KIAA1217: variants seen among roughly 807,000 people sequenced by gnomAD.
KIAA1217 encodes the protein sickle tail protein homolog.
A neutral mutation model predicts 163.9 loss-of-function variants in KIAA1217; 88 were observed. The observed-to-expected ratio is 0.54, with a 90% CI of 0.45 to 0.64. KIAA1217 has a LOEUF of 0.64. Ranked by LOEUF, KIAA1217 falls within the 30% of genes least tolerant of loss-of-function variation. The pLI, the probability that KIAA1217 is intolerant of heterozygous loss-of-function variation, is 0.00. For missense variants in KIAA1217, 2,372 were observed against 2,475.0 expected (o/e 0.96, Z 0.88); for synonymous variants, 903 against 923.1 (o/e 0.98, Z 0.39).
intron 1 of KIAA1217, among the ~76,000 whole-genome samples, chr10:23,757,482 A>G (rs1833982137): frequency 6.6e-6 from 1 of 152,068 alleles, no homozygotes. Context: ...CATTTCTCTA[A>G]TGATTAACAA....
At chr10:24,363,787 G>T (rs1310560127) in intron 2 of KIAA1217, among the ~76,000 whole-genome samples, 1 of 151,760 alleles carries the variant, frequency 6.6e-6, no homozygotes, top group African/African-American at 2.4e-5. Flanking sequence ...GCCCAAGCTG[G>T]TTTTGCACAC....
intron 2 of KIAA1217, among the ~76,000 whole-genome samples, chr10:24,065,922 T>TAA (rs2060924794): frequency 6.6e-6 from 1 of 152,198 alleles, no homozygotes; most frequent in Admixed American, 6.5e-5. Context: ...CTTTTGATCT[T>TAA]TGTTAGTTTA....
chr10:23,777,575 A>G (rs1449328980), intron 1 of KIAA1217, among the ~76,000 whole-genome samples: 1 of 152,214 alleles, frequency 6.6e-6, no homozygotes, highest in Non-Finnish European at 1.5e-5. Context: ...GTCTCTGCTT[A>G]TGTGACTTAG....
chr10:24,491,286 C>CTTTT (rs1169407580), intron 6 of KIAA1217, among the ~76,000 whole-genome samples: 14 of 114,712 alleles, frequency 1.2e-4, no homozygotes, highest in South Asian at 2.8e-4. Context: ...TTTTTTTTTC[C>CTTTT]TTTTTTTTTT....
chr10:24,431,244 T>C (rs2059582379), intron 3 of KIAA1217, among the ~76,000 whole-genome samples: 1 of 152,178 alleles, frequency 6.6e-6, no homozygotes, highest in African/African-American at 2.4e-5. Context: ...CTCTTTTGAG[T>C]CTCCCTTTCC....
rs555067279 is a variant in KIAA1217, at chr10:24,297,460, G to A, written c.354+77551G>A. ...CATCTCAATGATCATAAAGAAACTG[G>A]AGTCTTTAGACTGGGTGCAGTGTCT... On this transcript the variant is annotated intron_variant, in intron 2 of 20. Transcript: ENST00000376454. Among the ~76,000 whole-genome samples, 5 of 152,318 alleles carry A rather than the reference G, an allele frequency of 3.3e-5. No individual in the cohort carries two copies. In the East Asian group the frequency reaches 9.6e-4, roughly 29 times the overall value.
At chr10:23,817,093 G>A (rs1259008346) in intron 1 of KIAA1217, among the ~76,000 whole-genome samples, 1 of 152,138 alleles carries the variant, frequency 6.6e-6, no homozygotes, top group East Asian at 1.9e-4. Flanking sequence ...AAAAGGCAAA[G>A]TGCTAGTTCT....
chr10:23,806,765 AT>A (rs766165695), intron 1 of KIAA1217, among the ~76,000 whole-genome samples: 1 of 152,150 alleles, frequency 6.6e-6, no homozygotes, highest in Non-Finnish European at 1.5e-5. Flanking sequence ...GAAGATTGCA[AT>A]CAACTCCTTT....
chr10:23,883,116 G>A (rs1037711481), intron 1 of KIAA1217, among the ~76,000 whole-genome samples: 19 of 152,006 alleles, frequency 1.2e-4, no homozygotes, highest in South Asian at 6.2e-4. Context: ...TCCTTAAGTT[G>A]TTATGGTCAT....
chr10:24,207,315 C>CACAT (rs2067619232), upstream of KIAA1217, among the ~76,000 whole-genome samples: 1 of 148,188 alleles, frequency 6.7e-6, no homozygotes, highest in Non-Finnish European at 1.5e-5. Flanking sequence ...CACACACACA[C>CACAT]ATACTTTTCT....
intron 2 of KIAA1217, among the ~76,000 whole-genome samples, chr10:24,154,114 C>G (rs185379465): frequency 3.3e-5 from 5 of 151,496 alleles, no homozygotes; most frequent in Non-Finnish European, 7.4e-5. Context: ...CCCGCCACTA[C>G]GCCCGGCTAA....
At chr10:24,026,348 T>C (rs1371175048) in intron 2 of KIAA1217, among the ~76,000 whole-genome samples, 1 of 151,950 alleles carries the variant, frequency 6.6e-6, no homozygotes, top group Admixed American at 6.6e-5. Context: ...ATTTGTGTTA[T>C]ACTATTCTTA....
chr10:24,544,610 G>A (rs574949541), intron 19 of KIAA1217, 129 bp downstream of exon 19: 21 of 1,070,244 alleles, frequency 2.0e-5, no homozygotes, highest in Admixed American at 8.8e-5. Flanking sequence ...TTGTCTGTTC[G>A]CCATGAAACC....
In KIAA1217 at chr10:23,743,242, G is replaced by GAA. The variant is rs11446205; in HGVS notation, c.-321+48020_-321+48021dup. ...GGGCCCCAGGTGACAGATGAACTTT[G>GAA]AAAAAAAAAAAAATCAGTGTTTACG... On this transcript the variant is annotated intron_variant, in intron 1 of 18. Transcript: ENST00000376462. Among the ~76,000 whole-genome samples, 781 of 144,694 alleles carry GAA rather than the reference G, an allele frequency of 5.4e-3. 3 individuals carry two copies. Among genetic ancestry groups the GAA allele is most frequent in the Middle Eastern group, 0.021 (6 of 284 alleles). 94.9% of individuals were successfully genotyped at this position (144,694 alleles called of 152,430 possible).
chr10:23,912,771 A>G (rs1050479753), intron 1 of KIAA1217, among the ~76,000 whole-genome samples: 3 of 152,212 alleles, frequency 2.0e-5, no homozygotes, highest in African/African-American at 4.8e-5. Flanking sequence ...TTGCCTTTCA[A>G]TGAGATTGAA....
chr10:23,899,677 A>G (rs1841872399), intron 1 of KIAA1217, among the ~76,000 whole-genome samples: 1 of 152,060 alleles, frequency 6.6e-6, no homozygotes, highest in Non-Finnish European at 1.5e-5. Flanking sequence ...AGAATCTTTG[A>G]ATGAAAGGTA....
At chr10:23,874,644 C>G (rs1840601734) in intron 1 of KIAA1217, among the ~76,000 whole-genome samples, 1 of 151,884 alleles carries the variant, frequency 6.6e-6, no homozygotes, top group South Asian at 2.1e-4. Context: ...TTTAAACCAC[C>G]TGATGCTGGG....
chr10:24,048,096 A>T (rs1849174221), intron 2 of KIAA1217, among the ~76,000 whole-genome samples: 1 of 152,176 alleles, frequency 6.6e-6, no homozygotes, highest in African/African-American at 2.4e-5. Context: ...TGCTGAGAAG[A>T]TCAGAGGTCA....
chr10:23,879,043 G>A (rs1840833589), intron 1 of KIAA1217, among the ~76,000 whole-genome samples: 1 of 151,714 alleles, frequency 6.6e-6, no homozygotes. Context: ...AAATCAAATG[G>A]GCAGTTGGAT....
Sources: gnomAD v4.1 joint callset for allele counts (sites outside exome capture counted in the v4.1 genomes callset) on GRCh38, gnomAD v4.1.1 for gene constraint, MANE v1.5 for transcripts, NCBI Gene and HGNC (gene_info 2026-07-23, HGNC 2026-07-21) for gene names.